The following NCAPG variants were observed in gnomAD, a reference collection of about 807,000 sequenced individuals.
The protein encoded by NCAPG is condensin complex subunit 3.
Under a neutral mutation model 113.1 loss-of-function variants are expected in NCAPG, and 69 were observed. That is an observed-to-expected ratio of 0.61 (90% CI 0.50 to 0.75). NCAPG has a LOEUF of 0.75. Among genes scored for constraint, NCAPG ranks in the 30% least tolerant of loss-of-function variants. NCAPG has a pLI of 0.00. For missense variants in NCAPG, 1,058 were observed against 1,177.0 expected (o/e 0.90, Z 1.48); for synonymous variants, 370 against 415.8 (o/e 0.89, Z 1.34).
At chr4:17,842,731 A>C (rs181749911) in intron 20 of NCAPG, 3 of 201,152 alleles carry the variant, frequency 1.5e-5, no homozygotes, top group Non-Finnish European at 3.1e-5. Flanking sequence ...AATTCTGTCT[A>C]TAATTTGGGT....
At chr4:17,816,240 C>G (rs931277157) in intron 5 of NCAPG, among the ~76,000 whole-genome samples, 1 of 152,052 alleles carries the variant, frequency 6.6e-6, no homozygotes, top group African/African-American at 2.4e-5. Context: ...ACCTGGATAC[C>G]TCATGTGCGC....
At chr4:17,842,167 CA>C in intron 19 of NCAPG, 142 bp from the exon 20 acceptor site, 1 of 611,940 alleles carries the variant, frequency 1.6e-6, no homozygotes, top group Non-Finnish European at 2.9e-6. Context: ...TAACTGGTAC[CA>C]AGATGGCTAG....
chr4:17,823,871 T>C (rs1721553911), intron 9 of NCAPG, 101 bp downstream of exon 9: 2 of 962,966 alleles, frequency 2.1e-6, no homozygotes, highest in African/African-American at 3.3e-5. Flanking sequence ...TGTTTTGTTT[T>C]AGGTTCGTCT....
intron 14 of NCAPG, among the ~76,000 whole-genome samples, chr4:17,835,379 A>T (rs1195091481): frequency 6.6e-6 from 1 of 151,950 alleles, no homozygotes; most frequent in Non-Finnish European, 1.5e-5. Context: ...TTTTGTAGAG[A>T]CAGGGTCTCG....
At chr4:17,828,050 C>T (rs1721722086) in intron 11 of NCAPG, among the ~76,000 whole-genome samples, 1 of 152,102 alleles carries the variant, frequency 6.6e-6, no homozygotes, top group African/African-American at 2.4e-5. Context: ...ATTTACCTGC[C>T]TTGGCCCCCC....
intron 20 of NCAPG, 183 bp downstream of exon 20, chr4:17,842,562 G>A (rs1354736606): frequency 5.4e-6 from 3 of 551,486 alleles, no homozygotes; most frequent in African/African-American, 1.9e-5. Context: ...TTCTTACGGC[G>A]TGTTTGCTTT....
At chr4:17,815,964 TA>T (rs146974827) in intron 5 of NCAPG, among the ~76,000 whole-genome samples, 3,375 of 149,704 alleles carry the variant, frequency 0.023, 131 homozygotes, top group African/African-American at 0.077. Flanking sequence ...CTCTCTGACT[TA>T]AAAAAAAAAT....
chr4:17,837,369 T>A, intron 15 of NCAPG, 29 bp downstream of exon 15: 3 of 1,571,788 alleles, frequency 1.9e-6, no homozygotes, highest in Non-Finnish European at 2.6e-6. Flanking sequence ...AAATCAAAAA[T>A]CTGACTTGAC....
In NCAPG at chr4:17,828,131, C is replaced by T. The variant is rs1012725581; in HGVS notation, c.1654-147C>T. On this transcript the variant is annotated intron_variant, in intron 11 of 20. Transcript: ENST00000251496. ...TGCCAATTTTAAAATCCTGCCTCTA[C>T]CATTTACTATCTGTGTGATAGCTGT... The T allele has an allele frequency of 2.3e-5, 10 of 434,906 alleles. No individual in the cohort carries two copies. The Admixed American group carries it at 2.6e-4, about 11-fold the overall frequency. 26.9% of individuals were successfully genotyped at this position (434,906 alleles called of 1,614,324 possible). A position where few individuals can be genotyped will look rare whatever the true frequency, so the allele number is the denominator to read the frequency against.
At chr4:17,837,883 C>A (rs1187824229) in intron 16 of NCAPG, 82 bp downstream of exon 16, 16 of 1,498,300 alleles carry the variant, frequency 1.1e-5, no homozygotes, top group Non-Finnish European at 1.5e-5. Context: ...TACTGAGGAA[C>A]TGCATTTTGG....
chr4:17,835,354 G>T (rs946836462), intron 14 of NCAPG, among the ~76,000 whole-genome samples: 16 of 151,962 alleles, frequency 1.1e-4, no homozygotes, highest in African/African-American at 3.6e-4. Context: ...CACCATGCCC[G>T]CTGATTTTTA....
rs1466531914 is a variant in NCAPG, at chr4:17,840,224, A to C, written c.2767+15A>C. ...AAATGAAGATGGTAATCACATACTG[A>C]ACAGAATATTTATAAGGTTCTGTTT... On this transcript the variant is annotated intron_variant, in intron 18 of 20. Coordinates refer to ENST00000251496, the MANE Select transcript of NCAPG (RefSeq NM_022346.5). 2.6e-6 allele frequency: 4 copies of C among 1,558,954 alleles called. No homozygotes were observed. Among genetic ancestry groups the C allele is most frequent in the Non-Finnish European group, 3.5e-6 (4 of 1,159,170 alleles).
Position 17,825,561 on chromosome 4 carries a change from G to T in NCAPG, c.1653G>T (p.Lys551Asn). ...AAATTAAAGAAGTCCACATAGAGAA[G>T]GTACAGGTAACTTTTTTCATACTAA... ...QLEIKEVHIEKNDAETLQKCL... is the reference protein window; with the variant it reads ...QLEIKEVHIENNDAETLQKCL... The change falls in exon 11 of 21, where the codon AAG (lysine) becomes AAT (asparagine). Residue 551 changes from lysine to asparagine, a missense_variant and splice_region_variant. Lys to Asn is a moderately conservative substitution (Grantham distance 94, BLOSUM62 0). Transcript: ENST00000251496. 1 of 1,577,314 alleles carries T rather than the reference G, an allele frequency of 6.3e-7. No homozygotes were observed. Among genetic ancestry groups the T allele is most frequent in the South Asian group, 1.2e-5 (1 of 83,612 alleles).
intron 11 of NCAPG, among the ~76,000 whole-genome samples, chr4:17,827,254 G>C (rs916797164): frequency 5.9e-5 from 9 of 152,334 alleles, no homozygotes; most frequent in African/African-American, 1.7e-4. Context: ...AAGGCTTTGC[G>C]TAAGCAATAT....
intron 14 of NCAPG, among the ~76,000 whole-genome samples, 183 bp from the exon 15 acceptor site, chr4:17,836,976 G>T (rs1302107788): frequency 1.3e-5 from 2 of 152,064 alleles, no homozygotes; most frequent in Non-Finnish European, 2.9e-5. Flanking sequence ...TAGTCTTTTA[G>T]ATTTGTCTAA....
At chr4:17,843,195 C>CAATTA in intron 20 of NCAPG, 107 bp from the exon 21 acceptor site, 1 of 1,209,828 alleles carries the variant, frequency 8.3e-7, no homozygotes, top group Non-Finnish European at 1.2e-6. Context: ...ATCAGGCTAT[C>CAATTA]AATTAAACAC....
chr4:17,842,717 G>T (rs1387790248), intron 20 of NCAPG: 1 of 207,054 alleles, frequency 4.8e-6, no homozygotes, highest in Non-Finnish European at 9.8e-6. Flanking sequence ...CATACTGATA[G>T]AATAATTCTG....
chr4:17,826,106 T>G (rs1721648840), intron 11 of NCAPG, among the ~76,000 whole-genome samples: 1 of 152,122 alleles, frequency 6.6e-6, no homozygotes, highest in Non-Finnish European at 1.5e-5. Context: ...TTTAAAAAAT[T>G]AGTTTGTTAA....
chr4:17,837,095 T>TC, intron 14 of NCAPG, 64 bp from the exon 15 acceptor site: 1 of 1,428,598 alleles, frequency 7.0e-7, no homozygotes, highest in South Asian at 1.2e-5. Flanking sequence ...TAGGACAGGC[T>TC]ACATTGAGAG....
Sources: allele counts gnomAD v4.1 joint callset (sites outside exome capture counted in the v4.1 genomes callset), GRCh38; gene constraint gnomAD v4.1.1; transcripts MANE v1.5; gene names NCBI Gene and HGNC (gene_info 2026-07-23, HGNC 2026-07-21).